Variants in DISC1 observed in about 807,000 individuals in gnomAD.
DISC1 encodes DISC1 scaffold protein, also known as disrupted in schizophrenia 1 protein.
A neutral mutation model predicts 84.5 loss-of-function variants in DISC1; 57 were observed. The ratio of observed to expected loss-of-function variants is 0.67; its 90% CI spans 0.55 to 0.84. The LOEUF (loss-of-function observed/expected upper bound fraction) is 0.84, where lower values mean the gene tolerates loss of function less well. DISC1 is among the 40% of genes least tolerant of loss of function. DISC1 has a pLI of 0.00. For missense variants in DISC1, 1,000 were observed against 1,057.8 expected (o/e 0.95, Z 0.76); for synonymous variants, 411 against 415.2 (o/e 0.99, Z 0.12).
intron 1 of DISC1, among the ~76,000 whole-genome samples, chr1:231,678,512 A>G (rs549151287): frequency 6.6e-6 from 1 of 152,184 alleles, no homozygotes. Flanking sequence ...AATCTTTCCA[A>G]CTACCATGCA....
chr1:231,697,146 C>G (rs564159654), intron 2 of DISC1, among the ~76,000 whole-genome samples: 1 of 152,270 alleles, frequency 6.6e-6, no homozygotes, highest in East Asian at 1.9e-4. Context: ...ACTGGGGTTG[C>G]GGCTGAGGCC....
At chr1:231,702,560 A>G (rs1006709362) in intron 3 of DISC1, 1 of 985,576 alleles carries the variant, frequency 1.0e-6, no homozygotes, top group South Asian at 4.7e-5. Context: ...TTCCACATAC[A>G]TGGCCTAAAA....
intron 9 of DISC1, among the ~76,000 whole-genome samples, chr1:231,956,793 G>A (rs1005620785): frequency 1.3e-5 from 2 of 152,166 alleles, no homozygotes; most frequent in African/African-American, 4.8e-5. Context: ...ATTCACTCAG[G>A]TATCTGGAGG....
At position 231,886,762 on chromosome 1, in the gene DISC1, C is replaced by CCTTCCTTT. The variant is rs869125763; in HGVS notation, c.1981+68249_1981+68256dup. On this transcript the variant is annotated intron_variant, in intron 9 of 12. Transcript: ENST00000439617. Reference sequence around the variant, plus strand: ...CTTTCTCTTTCTTCCTTTCTTCCTTCCTTCCTTTCTTTCTTTCTTTCTTTC... The same window carrying CCTTCCTTT: ...CTTTCTCTTTCTTCCTTTCTTCCTTCCTTCCTTTCTTCCTTTCTTTCTTTCTTTCTTTC... Among the ~76,000 whole-genome samples, 42 of 119,000 alleles carry CCTTCCTTT rather than the reference C, an allele frequency of 3.5e-4. 1 individual carries two copies. The highest frequency in any genetic ancestry group is 2.0e-3 in the Admixed American group (23 of 11,446). 78.1% of individuals were successfully genotyped at this position (119,000 alleles called of 152,430 possible).
intron 2 of DISC1, among the ~76,000 whole-genome samples, chr1:231,696,547 G>C (rs2065733561): frequency 1.3e-5 from 2 of 152,190 alleles, no homozygotes; most frequent in African/African-American, 4.8e-5. Context: ...CAGCTGGGCA[G>C]GGAAAAACAT....
At chr1:231,994,981 A>T (rs1028117900) in intron 10 of DISC1, among the ~76,000 whole-genome samples, 1 of 152,152 alleles carries the variant, frequency 6.6e-6, no homozygotes, top group Non-Finnish European at 1.5e-5. Flanking sequence ...TGACCTCTAC[A>T]TGTTCCTCGT....
At chr1:232,035,375 A>C (rs1308831838) in intron 12 of DISC1, among the ~76,000 whole-genome samples, 1 of 152,174 alleles carries the variant, frequency 6.6e-6, no homozygotes, top group East Asian at 1.9e-4. Flanking sequence ...AATCCCGGAG[A>C]CGGAGGTTGC....
intron 3 of DISC1, among the ~76,000 whole-genome samples, chr1:231,736,992 A>C (rs899365047): frequency 6.6e-6 from 1 of 152,252 alleles, no homozygotes; most frequent in Admixed American, 6.5e-5. Context: ...TAGATATAGA[A>C]AGCACTTTTC....
intron 9 of DISC1, among the ~76,000 whole-genome samples, chr1:231,851,367 C>T (rs2083884643): frequency 6.6e-6 from 1 of 152,136 alleles, no homozygotes; most frequent in Admixed American, 6.5e-5. Context: ...CAGATGATTA[C>T]CTGTACCTAC....
At chr1:231,909,657 G>T (rs142479288) in intron 9 of DISC1, among the ~76,000 whole-genome samples, 1 of 152,132 alleles carries the variant, frequency 6.6e-6, no homozygotes, top group African/African-American at 2.4e-5. Flanking sequence ...TCTCTGCCAG[G>T]CTTTGGTATC....
intron 6 of DISC1, among the ~76,000 whole-genome samples, chr1:231,790,554 T>C (rs2078255591): frequency 6.6e-6 from 1 of 152,004 alleles, no homozygotes; most frequent in Non-Finnish European, 1.5e-5. Flanking sequence ...AGTCTCCCTC[T>C]GTCGCCCAGG....
At chr1:231,653,868 A>G (rs2060839644) in intron 1 of DISC1, among the ~76,000 whole-genome samples, 1 of 152,150 alleles carries the variant, frequency 6.6e-6, no homozygotes, top group Admixed American at 6.5e-5. Flanking sequence ...AGCGCCTCCC[A>G]ATTTTCAATG....
At chr1:231,679,198 G>T (rs183235075) in intron 1 of DISC1, among the ~76,000 whole-genome samples, 4 of 152,244 alleles carry the variant, frequency 2.6e-5, no homozygotes, top group African/African-American at 9.6e-5. Flanking sequence ...TCCCTGGCAA[G>T]CACTGTCTTG....
At chr1:232,034,897 TA>T (rs11376890) in intron 12 of DISC1, among the ~76,000 whole-genome samples, 126 of 145,824 alleles carry the variant, frequency 8.6e-4, no homozygotes, top group Admixed American at 1.0e-3. Flanking sequence ...CAAAGCCTCT[TA>T]AAAAAAAAAA....
chr1:232,035,895 T>TC, intron 12 of DISC1, among the ~76,000 whole-genome samples: 1 of 152,324 alleles, frequency 6.6e-6, no homozygotes, highest in East Asian at 1.9e-4. Flanking sequence ...AACTACAGCC[T>TC]TATCTATTAC....
At chr1:231,736,210 GC>G (rs2072467596) in intron 3 of DISC1, among the ~76,000 whole-genome samples, 1 of 152,114 alleles carries the variant, frequency 6.6e-6, no homozygotes, top group South Asian at 2.1e-4. Context: ...CTGTGTTTCT[GC>G]CTTGTGGATC....
intron 9 of DISC1, among the ~76,000 whole-genome samples, chr1:231,923,315 A>C (rs555454914): frequency 2.0e-4 from 30 of 151,326 alleles, no homozygotes; most frequent in East Asian, 5.8e-4. Context: ...ACCAAAAAAA[A>C]AAACAAAAAG....
At chr1:231,839,295 C>T (rs1003550738) in intron 9 of DISC1, among the ~76,000 whole-genome samples, 1 of 152,146 alleles carries the variant, frequency 6.6e-6, no homozygotes, top group African/African-American at 2.4e-5. Context: ...AGTATGTTTC[C>T]TCCCACGTAA....
chr1:231,684,407 A>T (rs1361235190), intron 1 of DISC1, among the ~76,000 whole-genome samples: 2 of 152,176 alleles, frequency 1.3e-5, no homozygotes, highest in South Asian at 4.1e-4. Flanking sequence ...TGCTGTTTGA[A>T]AATAATACAA....
Sources: gnomAD v4.1 joint callset for allele counts (sites outside exome capture counted in the v4.1 genomes callset) on GRCh38, gnomAD v4.1.1 for gene constraint, MANE v1.5 for transcripts, NCBI Gene and HGNC (gene_info 2026-07-23, HGNC 2026-07-21) for gene names.